The following HCK variants were observed in gnomAD, a reference collection of about 807,000 sequenced individuals.
HCK encodes HCK proto-oncogene, Src family tyrosine kinase.
Under a neutral mutation model 70.4 loss-of-function variants are expected in HCK, and 40 were observed. The observed-to-expected ratio is 0.57, with a 90% CI of 0.44 to 0.74. The LOEUF is 0.74. Among genes scored for constraint, HCK ranks in the 30% least tolerant of loss-of-function variants. The pLI is 0.00. For synonymous variants in HCK, 245 were observed against 263.2 expected (o/e 0.93, Z 0.67); for missense variants, 568 against 697.2 (o/e 0.81, Z 2.09).
chr20:32,086,326 C>G (rs1249793964), intron 8 of HCK, among the ~76,000 whole-genome samples: 1 of 152,200 alleles, frequency 6.6e-6, no homozygotes, highest in Non-Finnish European at 1.5e-5. Context: ...ATTTTTAAAT[C>G]CTTGCAACAG....
chr20:32,095,441 A>G (rs2045941622), intron 11 of HCK, among the ~76,000 whole-genome samples: 1 of 152,050 alleles, frequency 6.6e-6, no homozygotes, highest in Non-Finnish European at 1.5e-5. Context: ...TTTTTAGTAG[A>G]TAACAGGGTT....
intron 1 of HCK, among the ~76,000 whole-genome samples, chr20:32,066,414 C>T (rs959755646): frequency 1.4e-5 from 2 of 140,656 alleles, no homozygotes; most frequent in Admixed American, 7.8e-5. Context: ...CGGGTTCAAG[C>T]GATTCTCCTA....
At chr20:32,057,136 A>G (rs1179729328) in intron 1 of HCK, among the ~76,000 whole-genome samples, 1 of 152,240 alleles carries the variant, frequency 6.6e-6, no homozygotes, top group Non-Finnish European at 1.5e-5. Context: ...CTCTTCAGAC[A>G]ACCTCAGTGG....
At chr20:32,055,842 G>A (rs903932402) in intron 1 of HCK, among the ~76,000 whole-genome samples, 12 of 151,786 alleles carry the variant, frequency 7.9e-5, no homozygotes, top group South Asian at 2.1e-4. Context: ...CCATTCCCCC[G>A]GCCCCTGGCA....
In HCK at chr20:32,073,719, G is replaced by C. The variant is rs1158259664; in HGVS notation, c.230G>C (p.Gly77Ala). ...CTCTGTGTGTCTCCCTTCCCAGCAG[G>C]CTCTGAGGACATCATCGTGGTTGCC... The change falls in exon 4 of 13, where the codon GGC becomes GCC. Residue 77 changes from glycine to alanine, a missense_variant. Transcript: ENST00000375852. 1.3e-6 allele frequency: 2 copies of C among 1,555,594 alleles called. No individual in the cohort carries two copies. The highest frequency in any genetic ancestry group is 1.7e-6 in the Non-Finnish European group (2 of 1,148,258).
At chr20:32,076,142 G>A (rs1234145839) in intron 5 of HCK, among the ~76,000 whole-genome samples, 1 of 152,080 alleles carries the variant, frequency 6.6e-6, no homozygotes, top group Non-Finnish European at 1.5e-5. Context: ...GACCAACAAG[G>A]TGTAACCCCA....
At chr20:32,077,533 GTTTTGT>G (rs1009199078) in intron 5 of HCK, among the ~76,000 whole-genome samples, 3 of 151,850 alleles carry the variant, frequency 2.0e-5, no homozygotes, top group African/African-American at 7.3e-5. Flanking sequence ...GTTTTGTTTT[GTTTTGT>G]TTTTTAGGTG....
intron 1 of HCK, among the ~76,000 whole-genome samples, chr20:32,062,103 C>T (rs1013472399): frequency 3.3e-5 from 5 of 151,962 alleles, no homozygotes; most frequent in Admixed American, 6.6e-5. Context: ...CCATGCCCGC[C>T]TAATTTTTGT....
At chr20:32,055,057 ACGAAC>A (rs1026605052) in intron 1 of HCK, among the ~76,000 whole-genome samples, 1 of 152,206 alleles carries the variant, frequency 6.6e-6, no homozygotes. Flanking sequence ...GTTCACTACA[ACGAAC>A]AATATTGACA....
At chr20:32,092,093 A>G (rs1190517921) in intron 10 of HCK, among the ~76,000 whole-genome samples, 1 of 152,108 alleles carries the variant, frequency 6.6e-6, no homozygotes, top group African/African-American at 2.4e-5. Flanking sequence ...CACTTGCCTC[A>G]GACCTTGAGA....
rs755689155 is a variant in HCK, at chr20:32,074,617, C to T, written c.330-6C>T. On this transcript the variant is annotated splice_region_variant and splice_polypyrimidine_tract_variant and intron_variant, in intron 4 of 12. Coordinates refer to ENST00000375852, the MANE Select transcript of HCK (RefSeq NM_002110.5). Reference sequence around the variant, plus strand: ...CCTAACACCTTTACTCCCTCATGTCCCTCAGATCCGGGGAGTGGTGGAAGG... The same window carrying T: ...CCTAACACCTTTACTCCCTCATGTCTCTCAGATCCGGGGAGTGGTGGAAGG... 1.2e-5 allele frequency: 20 copies of T among 1,601,396 alleles called. No homozygotes were observed. In the South Asian group the frequency reaches 2.2e-4, roughly 18 times the overall value.
chr20:32,094,777 G>GAAGGAA (rs879408977), intron 11 of HCK, among the ~76,000 whole-genome samples: 1,916 of 101,262 alleles, frequency 0.019, 54 homozygotes, highest in African/African-American at 0.035. Flanking sequence ...AAGAAAGAAA[G>GAAGGAA]AGAGAGAAAG....
At chr20:32,094,081 T>G (rs561592783) in intron 11 of HCK, 65 bp downstream of exon 11, 1 of 1,485,400 alleles carries the variant, frequency 6.7e-7, no homozygotes, top group South Asian at 1.2e-5. Context: ...TGAGAGTTGA[T>G]ACTTGTGAGA....
chr20:32,056,420 G>A (rs2045272846), intron 1 of HCK, among the ~76,000 whole-genome samples: 1 of 152,084 alleles, frequency 6.6e-6, no homozygotes, highest in African/African-American at 2.4e-5. Context: ...GGAGGCTGAG[G>A]CAGGAGAATG....
intron 1 of HCK, among the ~76,000 whole-genome samples, chr20:32,066,929 C>T (rs766298820): frequency 1.3e-5 from 2 of 152,106 alleles, no homozygotes; most frequent in Non-Finnish European, 1.5e-5. Flanking sequence ...TTTTGGAAGT[C>T]GGTTCTTCTT....
intron 1 of HCK, among the ~76,000 whole-genome samples, chr20:32,054,867 G>T (rs900417620): frequency 2.0e-5 from 3 of 152,204 alleles, no homozygotes; most frequent in African/African-American, 7.2e-5. Context: ...TGACAATGGG[G>T]ATAGCAGAGG....
At chr20:32,092,945 T>C (rs1379552002) in intron 10 of HCK, among the ~76,000 whole-genome samples, 1 of 150,392 alleles carries the variant, frequency 6.6e-6, no homozygotes, top group Non-Finnish European at 1.5e-5. Flanking sequence ...TACTTTGTTT[T>C]ATCTTTTTTT....
chr20:32,083,369 A>T (rs1296240646), intron 6 of HCK, among the ~76,000 whole-genome samples: 2 of 152,214 alleles, frequency 1.3e-5, no homozygotes, highest in African/African-American at 4.8e-5. Context: ...CTACCACAGC[A>T]TGTTCACATT....
intron 11 of HCK, among the ~76,000 whole-genome samples, chr20:32,094,556 T>G (rs1310766943): frequency 6.6e-6 from 1 of 151,846 alleles, no homozygotes; most frequent in African/African-American, 2.4e-5. Context: ...GGCACATGCC[T>G]GTATGCCTGT....
Sources: gnomAD v4.1 joint callset for allele counts (sites outside exome capture counted in the v4.1 genomes callset) on GRCh38, gnomAD v4.1.1 for gene constraint, MANE v1.5 for transcripts, NCBI Gene and HGNC (gene_info 2026-07-23, HGNC 2026-07-21) for gene names.